The following SLC30A7 variants were observed in gnomAD, a reference collection of about 807,000 sequenced individuals.
SLC30A7 encodes zinc transporter 7.
In SLC30A7, 35 loss-of-function variants were observed where a neutral mutation model predicts 46.0. The observed-to-expected ratio is 0.76, with a 90% CI of 0.58 to 1.01. The LOEUF (loss-of-function observed/expected upper bound fraction) is 1.01. SLC30A7 is among the 50% of genes least tolerant of loss of function. SLC30A7 has a pLI of 0.00. For synonymous variants in SLC30A7, 147 were observed against 157.8 expected (o/e 0.93, Z 0.51); for missense variants, 464 against 451.1 (o/e 1.03, Z -0.26).
chr1:100,900,051 A>G (rs1651206507), intron 2 of SLC30A7, among the ~76,000 whole-genome samples: 1 of 152,144 alleles, frequency 6.6e-6, no homozygotes, highest in Admixed American at 6.5e-5. Flanking sequence ...GTCATCTTCT[A>G]TAGTTGGAAA....
intron 8 of SLC30A7, among the ~76,000 whole-genome samples, chr1:100,926,063 A>G (rs183031572): frequency 6.6e-6 from 1 of 152,322 alleles, no homozygotes; most frequent in Admixed American, 6.5e-5. Flanking sequence ...CAACCAGTCA[A>G]CTACAGTAGG....
At chr1:100,914,019 A>G (rs1274771408) in intron 6 of SLC30A7, among the ~76,000 whole-genome samples, 2 of 152,216 alleles carry the variant, frequency 1.3e-5, no homozygotes, top group Non-Finnish European at 2.9e-5. Context: ...TCCAGAGGGT[A>G]TATCATAATA....
At chr1:100,970,258 T>G (rs1386298964) in intron 10 of SLC30A7, among the ~76,000 whole-genome samples, 1 of 152,162 alleles carries the variant, frequency 6.6e-6, no homozygotes, top group African/African-American at 2.4e-5. Flanking sequence ...AGTGATAGTT[T>G]TTGGTTAAAA....
At chr1:100,972,863 G>A (rs143937103) in intron 10 of SLC30A7, among the ~76,000 whole-genome samples, 1 of 152,022 alleles carries the variant, frequency 6.6e-6, no homozygotes, top group Non-Finnish European at 1.5e-5. Context: ...TAACAATTGT[G>A]TGAGATTAGT....
At chr1:100,921,236 T>C (rs1018659043) in intron 7 of SLC30A7, among the ~76,000 whole-genome samples, 11 of 152,154 alleles carry the variant, frequency 7.2e-5, no homozygotes, top group African/African-American at 2.4e-4. Context: ...AGTGAAATTA[T>C]GGTTTATGGG....
At chr1:100,955,311 T>C (rs1655167736) in intron 8 of SLC30A7, among the ~76,000 whole-genome samples, 1 of 152,064 alleles carries the variant, frequency 6.6e-6, no homozygotes, top group South Asian at 2.1e-4. Flanking sequence ...CAGTAAAGAG[T>C]AATAAGTAAC....
At chr1:100,990,581 C>T in the SLC30A7 span, 28 of 1,613,920 alleles carry the variant, frequency 1.7e-5, no homozygotes, top group Non-Finnish European at 1.8e-5. Context: ...ATTTTCTGGT[C>T]GTCGGCTCCA....
intron 9 of SLC30A7, among the ~76,000 whole-genome samples, chr1:100,965,536 G>A (rs1221350185): frequency 1.3e-5 from 2 of 152,204 alleles, no homozygotes; most frequent in South Asian, 2.1e-4. Context: ...ACTCTCAGGT[G>A]TGTCCTACAA....
intron 6 of SLC30A7, among the ~76,000 whole-genome samples, chr1:100,916,704 C>CTTTTTTTTTTTTTT (rs33980397): frequency 1.1e-5 from 1 of 92,320 alleles, no homozygotes; most frequent in Admixed American, 1.3e-4. Flanking sequence ...TTCATTCATT[C>CTTTTTTTTTTTTTT]TTTTTTTTTT....
At position 100,912,122 on chromosome 1, in the gene SLC30A7, C is replaced by G. The variant is rs200524487; in HGVS notation, c.395C>G (p.Ala132Gly). 7.4e-6 allele frequency: 12 copies of G among 1,613,198 alleles called. No individual in the cohort carries two copies. The African/African-American group carries it at 1.6e-4, about 22-fold the overall frequency. The part of the protein sequence containing the change: ...IFSEGVERAL[A>G]PPDVHHERLL... ...TTATGTGTTTTCTAGAGAGCATTAG[C>G]CCCTCCAGATGTCCACCATGAGAGA... Residue 132 changes from alanine (A) to glycine (G), a missense_variant, in exon 5 of 11, where the codon GCC (alanine) becomes GGC (glycine). Physicochemically the swap from Ala to Gly is moderately conservative, Grantham distance 60. Transcript: ENST00000357650.
chr1:100,910,547 TAA>T (rs1253065777), intron 3 of SLC30A7, among the ~76,000 whole-genome samples: 1 of 152,180 alleles, frequency 6.6e-6, no homozygotes, highest in Non-Finnish European at 1.5e-5. Context: ...GTCTCTGGCA[TAA>T]GTCAGAAATA....
chr1:100,968,002 A>G (rs923168601), intron 10 of SLC30A7, among the ~76,000 whole-genome samples: 2 of 152,236 alleles, frequency 1.3e-5, no homozygotes, highest in Non-Finnish European at 2.9e-5. Flanking sequence ...ATTTAATGGC[A>G]AAGTATCCAG....
chr1:100,990,209 T>C, the SLC30A7 span: 6 of 578,836 alleles, frequency 1.0e-5, no homozygotes, highest in Admixed American at 3.1e-5. Flanking sequence ...CAGGCACTTA[T>C]AAAACCATCA....
At chr1:100,897,740 A>G (rs1651057277) in intron 2 of SLC30A7, among the ~76,000 whole-genome samples, 1 of 152,166 alleles carries the variant, frequency 6.6e-6, no homozygotes, top group African/African-American at 2.4e-5. Flanking sequence ...CAGTTCTATA[A>G]AAAATACTCA....
intron 8 of SLC30A7, among the ~76,000 whole-genome samples, chr1:100,955,317 GTAAC>G (rs1570578691): frequency 6.6e-6 from 1 of 152,070 alleles, no homozygotes; most frequent in East Asian, 1.9e-4. Context: ...AGAGTAATAA[GTAAC>G]TACTGCTTAT....
chr1:100,961,516 G>T (rs1304300944), intron 8 of SLC30A7, among the ~76,000 whole-genome samples: 1 of 152,126 alleles, frequency 6.6e-6, no homozygotes, highest in African/African-American at 2.4e-5. Flanking sequence ...ACTTTGGAAG[G>T]TTCTGACCAC....
chr1:100,924,832 A>G (rs776858822), intron 8 of SLC30A7, among the ~76,000 whole-genome samples: 1 of 152,182 alleles, frequency 6.6e-6, no homozygotes, highest in Non-Finnish European at 1.5e-5. Context: ...AAGTAAACAT[A>G]CACAGACACA....
At chr1:100,992,295 T>C in the SLC30A7 span, among the ~76,000 whole-genome samples, 2 of 152,152 alleles carry the variant, frequency 1.3e-5, no homozygotes, top group Non-Finnish European at 2.9e-5. Context: ...TTTTGCAGGA[T>C]AGATCTCACC....
At chr1:100,953,147 C>T (rs943586988) in intron 8 of SLC30A7, among the ~76,000 whole-genome samples, 1 of 152,144 alleles carries the variant, frequency 6.6e-6, no homozygotes, top group Admixed American at 6.5e-5. Flanking sequence ...TCTTCTTCAC[C>T]TTCTGCCATG....
Sources: allele counts gnomAD v4.1 joint callset (sites outside exome capture counted in the v4.1 genomes callset), GRCh38; gene constraint gnomAD v4.1.1; transcripts MANE v1.5; gene names NCBI Gene and HGNC (gene_info 2026-07-23, HGNC 2026-07-21).